Variants in IGF2BP2 observed in about 807,000 individuals in gnomAD.
IGF2BP2 encodes the protein insulin like growth factor 2 mRNA binding protein 2.
A neutral mutation model predicts 75.8 loss-of-function variants in IGF2BP2; 17 were observed. The ratio of observed to expected loss-of-function variants is 0.22; its 90% CI spans 0.15 to 0.34. IGF2BP2 has a LOEUF of 0.34. IGF2BP2 is among the 10% of genes least tolerant of loss of function. The pLI is 1.00. For missense variants in IGF2BP2, 516 were observed against 772.4 expected (o/e 0.67, Z 3.93); for synonymous variants, 288 against 295.6 (o/e 0.97, Z 0.26).
Position 185,687,211 on chromosome 3 carries a change from A to G in IGF2BP2, c.678-20T>C, listed in dbSNP as rs1451813416. On this transcript the variant is annotated intron_variant, in intron 6 of 15. Transcript: ENST00000382199. ...TCTACCCTGTAGGAAAAGAATCAGG[A>G]GCCATGATTACAAGGTCATCTGGAT... 12 of 1,592,944 alleles carry G rather than the reference A, an allele frequency of 7.5e-6. No individual in the cohort carries two copies. Among genetic ancestry groups the G allele is most frequent in the Non-Finnish European group, 9.4e-6 (11 of 1,173,830 alleles).
chr3:185,672,583 C>T lies in IGF2BP2; in HGVS notation c.1158G>A (p.Gly386=). The change falls in exon 10 of 16, where the codon GGG becomes GGA. Residue 386 remains glycine (G), a synonymous_variant. Coordinates refer to ENST00000382199, the MANE Select transcript of IGF2BP2 (RefSeq NM_006548.6). ...TGLSVLSPPA[G]PRGAPPAAPY... ...GGGCAGCGGGGGGAGCTCCGCGGGGCCCTGCTGGTGGAGATAGCACGGACA... is the reference window on the plus strand; with the variant it reads ...GGGCAGCGGGGGGAGCTCCGCGGGGTCCTGCTGGTGGAGATAGCACGGACA... 1 of 1,613,580 alleles carries T rather than the reference C, an allele frequency of 6.2e-7. No homozygotes were observed. The highest frequency in any genetic ancestry group is 8.5e-7 in the Non-Finnish European group (1 of 1,179,706).
At chr3:185,797,392 G>A (rs764477665) in intron 2 of IGF2BP2, among the ~76,000 whole-genome samples, 1 of 152,204 alleles carries the variant, frequency 6.6e-6, no homozygotes, top group Non-Finnish European at 1.5e-5. Flanking sequence ...CATATCATTT[G>A]TTTACACTCT....
chr3:185,764,730 T>TA (rs1223847896), intron 2 of IGF2BP2, among the ~76,000 whole-genome samples: 1 of 152,204 alleles, frequency 6.6e-6, no homozygotes, highest in Non-Finnish European at 1.5e-5. Flanking sequence ...CAGCTCATAG[T>TA]ATGACAGCTA....
At chr3:185,718,869 G>A (rs1234845359) in intron 2 of IGF2BP2, among the ~76,000 whole-genome samples, 3 of 152,108 alleles carry the variant, frequency 2.0e-5, no homozygotes, top group African/African-American at 7.2e-5. Flanking sequence ...ATCTTTTGGA[G>A]TCAAGAACCA....
chr3:185,718,684 CAAA>C (rs10699427), intron 2 of IGF2BP2, among the ~76,000 whole-genome samples: 240 of 49,496 alleles, frequency 4.8e-3, no homozygotes, highest in African/African-American at 0.019. Flanking sequence ...GACTCTGTCT[CAAA>C]AAAAAAAAAA....
chr3:185,808,148 GAAAGAAAC>G (rs1199666538), intron 2 of IGF2BP2, among the ~76,000 whole-genome samples: 4 of 139,818 alleles, frequency 2.9e-5, no homozygotes, highest in African/African-American at 7.7e-5. Flanking sequence ...AAGAAAGAAA[GAAAGAAAC>G]AAACAAACAA....
At chr3:185,733,197 T>C (rs981341652) in intron 2 of IGF2BP2, among the ~76,000 whole-genome samples, 1 of 152,210 alleles carries the variant, frequency 6.6e-6, no homozygotes, top group Non-Finnish European at 1.5e-5. Flanking sequence ...CTCATTCTTA[T>C]TTTACTAAAG....
intron 2 of IGF2BP2, among the ~76,000 whole-genome samples, chr3:185,801,944 C>T (rs1578356130): frequency 6.6e-6 from 1 of 151,940 alleles, no homozygotes; most frequent in East Asian, 1.9e-4. Context: ...CCTGTTCTCA[C>T]TCATAAGTGG....
intron 10 of IGF2BP2, among the ~76,000 whole-genome samples, chr3:185,664,475 C>T (rs761902793): frequency 6.6e-6 from 1 of 152,134 alleles, no homozygotes; most frequent in Non-Finnish European, 1.5e-5. Context: ...CCCAGCTGCA[C>T]AAGACAAGCA....
chr3:185,741,746 T>C (rs1217272774), intron 2 of IGF2BP2, among the ~76,000 whole-genome samples: 3 of 152,230 alleles, frequency 2.0e-5, no homozygotes, highest in Non-Finnish European at 4.4e-5. Flanking sequence ...TACGGGATTT[T>C]GGTAGACCCA....
intron 2 of IGF2BP2, among the ~76,000 whole-genome samples, chr3:185,758,673 G>A (rs543695297): frequency 6.6e-6 from 1 of 152,290 alleles, no homozygotes; most frequent in South Asian, 2.1e-4. Context: ...TCGGGAGAGA[G>A]AAAAATAAGA....
intron 10 of IGF2BP2, among the ~76,000 whole-genome samples, chr3:185,670,878 C>T (rs930792618): frequency 1.3e-4 from 20 of 152,134 alleles, no homozygotes; most frequent in African/African-American, 3.1e-4. Flanking sequence ...CCTAGATTAC[C>T]GATTTTAGAA....
intron 8 of IGF2BP2, 29 bp from the exon 9 acceptor site, chr3:185,675,460 T>C: frequency 6.3e-7 from 1 of 1,587,236 alleles, no homozygotes. Context: ...AGAGAAATTT[T>C]GTTTTCAACG....
chr3:185,655,933 G>A (rs1715366511), intron 12 of IGF2BP2, among the ~76,000 whole-genome samples: 3 of 152,238 alleles, frequency 2.0e-5, no homozygotes, highest in Admixed American at 6.5e-5. Context: ...AGCCCCAGGA[G>A]GTGCTGGATA....
chr3:185,647,187 A>G lies in IGF2BP2; in HGVS notation c.1594-49T>C. 2 of 1,345,658 alleles carry G rather than the reference A, an allele frequency of 1.5e-6. No homozygotes were observed. Among genetic ancestry groups the G allele is most frequent in the Non-Finnish European group, 2.1e-6 (2 of 935,354 alleles). The allele number at this position is 1,345,658 out of a possible 1,614,324, so 83.4% of individuals were successfully genotyped here. On this transcript the variant is annotated intron_variant, in intron 14 of 15. Transcript: ENST00000382199. The surrounding 1 kb of genome is among the most constrained non-coding windows in gnomAD (Gnocchi z 4.9). Reference sequence around the variant, plus strand: ...GGTTGGATAGGTTCCCTCCCCGTCAACGTGGTGGGCTCAGGACGGAGTGAG... The same window carrying G: ...GGTTGGATAGGTTCCCTCCCCGTCAGCGTGGTGGGCTCAGGACGGAGTGAG...
chr3:185,667,414 T>C (rs1448315241), intron 10 of IGF2BP2, among the ~76,000 whole-genome samples: 1 of 152,106 alleles, frequency 6.6e-6, no homozygotes, highest in African/African-American at 2.4e-5. Context: ...AATTTGAGGC[T>C]GTAGTGTGCT....
intron 2 of IGF2BP2, chr3:185,724,993 T>C (rs1039966619): frequency 2.0e-5 from 3 of 152,140 alleles, no homozygotes; most frequent in African/African-American, 4.8e-5. Context: ...AAGCAACACA[T>C]GGAGAGGCCA....
intron 2 of IGF2BP2, among the ~76,000 whole-genome samples, chr3:185,762,747 G>A (rs1732548382): frequency 6.6e-6 from 1 of 152,132 alleles, no homozygotes; most frequent in Non-Finnish European, 1.5e-5. Flanking sequence ...CAAGAGGGGA[G>A]AAAAGTCTGG....
At chr3:185,784,930 T>C (rs1560465673) in intron 2 of IGF2BP2, among the ~76,000 whole-genome samples, 1 of 152,202 alleles carries the variant, frequency 6.6e-6, no homozygotes, top group Admixed American at 6.5e-5. Context: ...TGGTGTGCTG[T>C]CAAAATTTAT....
Sources: gnomAD v4.1 joint callset for allele counts (sites outside exome capture counted in the v4.1 genomes callset) on GRCh38, gnomAD v4.1.1 for gene constraint, Gnocchi (gnomAD v3.1) non-coding constraint, MANE v1.5 for transcripts, NCBI Gene and HGNC (gene_info 2026-07-23, HGNC 2026-07-21) for gene names.